VWC2L: variants seen among roughly 807,000 people sequenced by gnomAD.
VWC2L encodes the protein von Willebrand factor C domain-containing protein 2-like.
A neutral mutation model predicts 21.6 loss-of-function variants in VWC2L; 10 were observed. The observed-to-expected ratio is 0.46, with a 90% CI of 0.29 to 0.78. The LOEUF is 0.78. Among genes scored for constraint, VWC2L ranks in the 30% least tolerant of loss-of-function variants. The probability of loss-of-function intolerance (pLI) is 0.10; values close to 1 mark genes in which losing one functional copy is unlikely to be tolerated. For missense variants in VWC2L, 209 were observed against 277.1 expected (o/e 0.75, Z 1.74); for synonymous variants, 96 against 94.3 (o/e 1.02, Z -0.10).
intron 3 of VWC2L, among the ~76,000 whole-genome samples, chr2:214,477,919 T>C (rs1400229238): frequency 3.3e-5 from 5 of 152,330 alleles, no homozygotes; most frequent in Admixed American, 2.6e-4. Flanking sequence ...CTAACAGAGA[T>C]TATGAAAAAA....
chr2:214,423,317 C>A (rs1217309390), intron 2 of VWC2L, among the ~76,000 whole-genome samples: 2 of 152,060 alleles, frequency 1.3e-5, no homozygotes, highest in African/African-American at 4.8e-5. Flanking sequence ...ATTATTTTAT[C>A]TGACTCCCTT....
At chr2:214,426,270 A>C (rs2126174244) in intron 2 of VWC2L, among the ~76,000 whole-genome samples, 1 of 152,224 alleles carries the variant, frequency 6.6e-6, no homozygotes, top group Non-Finnish European at 1.5e-5. Context: ...CAGTTTAGAC[A>C]AAATTGGAAC....
intron 3 of VWC2L, among the ~76,000 whole-genome samples, chr2:214,513,248 T>C (rs1177105176): frequency 6.6e-6 from 1 of 152,126 alleles, no homozygotes; most frequent in Non-Finnish European, 1.5e-5. Flanking sequence ...CACTAGACCT[T>C]TCCCCTGACC....
intron 3 of VWC2L, among the ~76,000 whole-genome samples, chr2:214,574,432 T>C (rs1011408847): frequency 6.6e-6 from 1 of 152,196 alleles, no homozygotes; most frequent in African/African-American, 2.4e-5. Context: ...TAATTAATTA[T>C]AATTTTATAA....
intron 3 of VWC2L, among the ~76,000 whole-genome samples, chr2:214,478,468 CAA>C (rs778016834): frequency 3.5e-5 from 4 of 115,924 alleles, no homozygotes; most frequent in Non-Finnish European, 1.8e-5. Flanking sequence ...AACTCCATCT[CAA>C]AAAAAAAAAA....
intron 3 of VWC2L, among the ~76,000 whole-genome samples, chr2:214,531,042 C>T (rs13401449): frequency 0.063 from 9,515 of 152,198 alleles, 677 homozygotes; most frequent in African/African-American, 0.18. Context: ...AAGATATTTC[C>T]ATCTTCATCC....
intron 3 of VWC2L, among the ~76,000 whole-genome samples, chr2:214,571,525 C>T (rs1438522648): frequency 6.6e-6 from 1 of 152,126 alleles, no homozygotes; most frequent in Non-Finnish European, 1.5e-5. Context: ...AGCCTGATTC[C>T]TAAGTTCAGA....
At chr2:214,495,398 C>G (rs1688797940) in intron 3 of VWC2L, among the ~76,000 whole-genome samples, 1 of 152,168 alleles carries the variant, frequency 6.6e-6, no homozygotes, top group Non-Finnish European at 1.5e-5. Context: ...TTTGTTTCAT[C>G]TGAAATGACA....
At chr2:214,467,084 T>C (rs935417191) in intron 3 of VWC2L, among the ~76,000 whole-genome samples, 3 of 152,222 alleles carry the variant, frequency 2.0e-5, no homozygotes, top group Non-Finnish European at 2.9e-5. Flanking sequence ...TGCCTGGCTT[T>C]TAAGATTTGT....
At chr2:214,512,808 A>T (rs188087511) in intron 3 of VWC2L, among the ~76,000 whole-genome samples, 160 of 152,244 alleles carry the variant, frequency 1.1e-3, no homozygotes, top group African/African-American at 3.0e-3. Flanking sequence ...ATCATTTATG[A>T]CTTTATGTAT....
intron 3 of VWC2L, among the ~76,000 whole-genome samples, chr2:214,472,982 C>T (rs1473255037): frequency 1.3e-5 from 2 of 152,114 alleles, no homozygotes; most frequent in Non-Finnish European, 2.9e-5. Context: ...TCTTTTCCTC[C>T]AACAATAGCT....
intron 3 of VWC2L, among the ~76,000 whole-genome samples, chr2:214,513,606 A>G (rs577977768): frequency 6.6e-6 from 1 of 152,184 alleles, no homozygotes; most frequent in South Asian, 2.1e-4. Context: ...CATATCTGTT[A>G]TTCATTCATT....
At chr2:214,570,355 A>G (rs528058003) in intron 3 of VWC2L, among the ~76,000 whole-genome samples, 1 of 152,290 alleles carries the variant, frequency 6.6e-6, no homozygotes, top group South Asian at 2.1e-4. Flanking sequence ...TCAAAGAAAA[A>G]CAGAATGTGG....
At chr2:214,520,549 G>A (rs1164030720) in intron 3 of VWC2L, among the ~76,000 whole-genome samples, 1 of 152,030 alleles carries the variant, frequency 6.6e-6, no homozygotes, top group Non-Finnish European at 1.5e-5. Context: ...CAGGTCAAAA[G>A]GTAAAAGAAT....
At chr2:214,525,560 A>T (rs144705166) in intron 3 of VWC2L, among the ~76,000 whole-genome samples, 2 of 152,236 alleles carry the variant, frequency 1.3e-5, no homozygotes, top group East Asian at 3.9e-4. Context: ...AACTCTCTTA[A>T]CTGCTCTGGG....
At chr2:214,528,384 T>C (rs1297520623) in intron 3 of VWC2L, among the ~76,000 whole-genome samples, 3 of 152,214 alleles carry the variant, frequency 2.0e-5, no homozygotes, top group Non-Finnish European at 4.4e-5. Context: ...CAGTGACTTA[T>C]ACTTATTGGT....
chr2:214,480,408 A>G (rs1688586105), intron 3 of VWC2L, among the ~76,000 whole-genome samples: 1 of 152,248 alleles, frequency 6.6e-6, no homozygotes. Context: ...ATTACTTGAT[A>G]TGGATTCAAT....
At chr2:214,428,090 C>T (rs989573222) in intron 2 of VWC2L, among the ~76,000 whole-genome samples, 1 of 152,184 alleles carries the variant, frequency 6.6e-6, no homozygotes, top group Non-Finnish European at 1.5e-5. Flanking sequence ...GAGGAATACA[C>T]AGCCATTGCA....
At chr2:214,558,172 T>C (rs556094161) in intron 3 of VWC2L, among the ~76,000 whole-genome samples, 2 of 152,330 alleles carry the variant, frequency 1.3e-5, no homozygotes, top group South Asian at 2.1e-4. Flanking sequence ...CTATCATGTA[T>C]TGCTATTTTT....
Sources: allele counts gnomAD v4.1 joint callset (sites outside exome capture counted in the v4.1 genomes callset), GRCh38; gene constraint gnomAD v4.1.1; transcripts MANE v1.5; gene names NCBI Gene and HGNC (gene_info 2026-07-23, HGNC 2026-07-21).